Variants in UBAP2 observed in about 807,000 individuals in gnomAD.
The protein encoded by UBAP2 is ubiquitin associated protein 2.
A neutral mutation model predicts 139.6 loss-of-function variants in UBAP2; 75 were observed. The ratio of observed to expected loss-of-function variants is 0.54; its 90% CI spans 0.45 to 0.65. The LOEUF (loss-of-function observed/expected upper bound fraction) is 0.65. Ranked by LOEUF, UBAP2 falls within the 30% of genes least tolerant of loss-of-function variation. The pLI, the probability that UBAP2 is intolerant of heterozygous loss-of-function variation, is 0.00. For synonymous variants in UBAP2, 526 were observed against 526.2 expected, an observed-to-expected ratio of 1.00 and a Z score of 0.01; for missense variants, 1,368 against 1,369.6, an observed-to-expected ratio of 1.00 and a Z score of 0.02.
Position 34,031,458 on chromosome 9 carries a change from C to T in UBAP2, c.-41-14269G>A, listed in dbSNP as rs922707573. 4.6e-5 allele frequency among the ~76,000 whole-genome samples: 7 copies of T among 152,064 alleles called. No individual in the cohort carries two copies. In the South Asian group the frequency reaches 1.2e-3, roughly 27 times the overall value. Reference sequence around the variant, plus strand: ...GAGTAGCTGGGATTACAGATGCCCACCACCACACCTGGCTAATTTTTGTAT... The same window carrying T: ...GAGTAGCTGGGATTACAGATGCCCATCACCACACCTGGCTAATTTTTGTAT... On this transcript the variant is annotated intron_variant, in intron 1 of 28. Coordinates refer to ENST00000379238, the MANE Select transcript of UBAP2 (RefSeq NM_001370062.2).
At chr9:34,011,762 T>C (rs1165928456) in intron 2 of UBAP2, 1 of 486,438 alleles carries the variant, frequency 2.1e-6, no homozygotes, top group African/African-American at 2.1e-5. Flanking sequence ...TGACATACAC[T>C]AGGTCACATC....
At chr9:33,952,111 G>A (rs1031209738) in intron 12 of UBAP2, among the ~76,000 whole-genome samples, 76 of 152,256 alleles carry the variant, frequency 5.0e-4, no homozygotes, top group African/African-American at 1.8e-3. Context: ...TAAAACAAAC[G>A]ATTTGACTCG....
Position 33,953,412 on chromosome 9 carries a change from G to C in UBAP2, c.929C>G (p.Ser310Cys), listed in dbSNP as rs1826268100. 1 of 1,614,168 alleles carries C rather than the reference G, an allele frequency of 6.2e-7. No homozygotes were observed. The highest frequency in any genetic ancestry group is 2.2e-5 in the East Asian group (1 of 44,878). Residue 310 changes from serine (S) to cysteine (C), a missense_variant, in exon 12 of 29, where the codon TCC (serine) becomes TGC (cysteine). Physicochemically the swap from Ser to Cys is moderately radical, Grantham distance 112. Coordinates refer to ENST00000379238, the MANE Select transcript of UBAP2 (RefSeq NM_001370062.2). ...VPHSQASEAN[S>C]FETSQQQGFG... ...GCCCTGCTGTTGGGAAGTTTCAAAGGAGTTGGCTTCTGAGGCTTGACTGTG... is the reference window on the plus strand; with the variant it reads ...GCCCTGCTGTTGGGAAGTTTCAAAGCAGTTGGCTTCTGAGGCTTGACTGTG...
At position 33,928,090 on chromosome 9, in the gene UBAP2, AGCAG is replaced by A; in HGVS notation, c.2176-102_2176-99del. ...CGCTTGGGCCCAAGTCTCAAGGCTG[AGCAG>A]GCAGGCAATGATGTAACCACCCAGG... On this transcript the variant is annotated intron_variant, in intron 19 of 28. Transcript: ENST00000379238. 3 of 1,320,878 alleles carry A rather than the reference AGCAG, an allele frequency of 2.3e-6. No individual in the cohort carries two copies. The East Asian group carries it at 7.4e-5, about 33-fold the overall frequency. 81.8% of individuals were successfully genotyped at this position (1,320,878 alleles called of 1,614,324 possible). A position where few individuals can be genotyped will look rare whatever the true frequency, so the allele number is the denominator to read the frequency against.
intron 15 of UBAP2, among the ~76,000 whole-genome samples, chr9:33,943,046 C>T (rs1825371073): frequency 1.3e-5 from 2 of 149,240 alleles, no homozygotes; most frequent in East Asian, 3.9e-4. Context: ...CAAATGTCCA[C>T]CAACTAATGA....
chr9:34,027,220 C>T (rs887919741), intron 1 of UBAP2, among the ~76,000 whole-genome samples: 1 of 152,058 alleles, frequency 6.6e-6, no homozygotes, highest in Non-Finnish European at 1.5e-5. Flanking sequence ...GTGGCTCACA[C>T]CTGTAATCCC....
chr9:33,927,773 A>G (rs1466474373), intron 20 of UBAP2, 24 bp downstream of exon 20: 1 of 1,588,152 alleles, frequency 6.3e-7, no homozygotes, highest in Non-Finnish European at 8.5e-7. Flanking sequence ...AGGGGTGGGC[A>G]GGAAAGGCCT....
intron 14 of UBAP2, 105 bp from the exon 15 acceptor site, chr9:33,943,694 CAAGAAG>C: frequency 9.9e-7 from 1 of 1,011,710 alleles, no homozygotes; most frequent in Non-Finnish European, 1.4e-6. Flanking sequence ...GCAATACTGG[CAAGAAG>C]AAGGAGTGAG....
chr9:33,927,168 G>T, intron 20 of UBAP2, 88 bp from the exon 21 acceptor site: 1 of 1,004,620 alleles, frequency 1.0e-6, no homozygotes. Context: ...CACAGTCACT[G>T]AGCTACCCCA....
Position 33,923,775 on chromosome 9 carries a change from A to G in UBAP2, c.2796+20T>C, listed in dbSNP as rs1186028727. 1 of 1,612,736 alleles carries G rather than the reference A, an allele frequency of 6.2e-7. No homozygotes were observed. Among genetic ancestry groups the G allele is most frequent in the Non-Finnish European group, 8.5e-7 (1 of 1,178,906 alleles). ...CAACCCAAGGCCAGGAGACACAGTC[A>G]CACCCTCTGAAATACTCACAAACAT... On this transcript the variant is annotated intron_variant, in intron 24 of 28. Coordinates refer to ENST00000379238, the MANE Select transcript of UBAP2 (RefSeq NM_001370062.2).
chr9:33,964,017 C>T (rs1457289402), intron 8 of UBAP2, among the ~76,000 whole-genome samples: 2 of 152,144 alleles, frequency 1.3e-5, no homozygotes, highest in East Asian at 1.9e-4. Flanking sequence ...CTCATTCTCA[C>T]GCCCATGTTT....
In UBAP2 at chr9:33,930,084, A is replaced by T. The variant is rs1456760192; in HGVS notation, c.2176-2092T>A. Reference sequence around the variant, plus strand: ...GAAATCAAATGGTTTTCAAATATATAAAAAAAAGGATGTACAACCTCATTA... The same window carrying T: ...GAAATCAAATGGTTTTCAAATATATTAAAAAAAGGATGTACAACCTCATTA... On this transcript the variant is annotated intron_variant, in intron 19 of 28. Coordinates refer to ENST00000379238, the MANE Select transcript of UBAP2 (RefSeq NM_001370062.2). 5.3e-5 allele frequency among the ~76,000 whole-genome samples: 8 copies of T among 151,630 alleles called. No homozygotes were observed. The East Asian group carries it at 5.8e-4, about 11-fold the overall frequency.
At chr9:33,964,938 A>C (rs1223623151) in intron 8 of UBAP2, among the ~76,000 whole-genome samples, 1 of 152,166 alleles carries the variant, frequency 6.6e-6, no homozygotes, top group Non-Finnish European at 1.5e-5. Flanking sequence ...CATTTCCTTT[A>C]AAGCCATTTT....
At chr9:33,998,103 T>C (rs970633590) in intron 3 of UBAP2, 4 of 152,144 alleles carry the variant, frequency 2.6e-5, no homozygotes, top group Admixed American at 1.3e-4. Context: ...GAGTATGAAA[T>C]CACAACCATG....
chr9:34,043,449 G>A (rs929700855), intron 1 of UBAP2, among the ~76,000 whole-genome samples: 3 of 152,136 alleles, frequency 2.0e-5, no homozygotes, highest in African/African-American at 7.2e-5. Context: ...TTACAGGCAT[G>A]AGCCACCACA....
chr9:33,969,381 T>C (rs1827721046), intron 8 of UBAP2, among the ~76,000 whole-genome samples: 1 of 151,992 alleles, frequency 6.6e-6, no homozygotes, highest in Non-Finnish European at 1.5e-5. Context: ...ATCTTATCTC[T>C]ACAAAAAACT....
chr9:33,928,956 T>G (rs964856171), intron 19 of UBAP2: 16 of 152,416 alleles, frequency 1.0e-4, no homozygotes, highest in African/African-American at 3.6e-4. Context: ...GGGCACTGGC[T>G]TTACAGAGCT....
At chr9:33,973,949 A>G (rs1008748386) in intron 6 of UBAP2, among the ~76,000 whole-genome samples, 12 of 152,174 alleles carry the variant, frequency 7.9e-5, no homozygotes, top group Admixed American at 3.3e-4. Flanking sequence ...GCTCACACCT[A>G]TAATCTCAAC....
At chr9:34,043,921 A>G (rs545697281) in intron 1 of UBAP2, among the ~76,000 whole-genome samples, 5 of 150,688 alleles carry the variant, frequency 3.3e-5, no homozygotes, top group African/African-American at 9.8e-5. Context: ...TGAGGTCAGG[A>G]GTTCAAAACC....
Sources: gnomAD v4.1 joint callset for allele counts (sites outside exome capture counted in the v4.1 genomes callset) on GRCh38, gnomAD v4.1.1 for gene constraint, MANE v1.5 for transcripts, NCBI Gene and HGNC (gene_info 2026-07-23, HGNC 2026-07-21) for gene names.